CPPED1: variants seen among roughly 807,000 people sequenced by gnomAD.
The protein encoded by CPPED1 is serine/threonine-protein phosphatase CPPED1.
CPPED1 carries 28 observed loss-of-function variants against 28.0 expected under a neutral mutation model. The ratio of observed to expected loss-of-function variants is 1.00; its 90% CI spans 0.74 to 1.37. The LOEUF is 1.37. Ranked by LOEUF, CPPED1 falls within the 40% of genes most tolerant of loss-of-function variation. The probability of loss-of-function intolerance (pLI) is 0.00; values close to 1 mark genes in which losing one functional copy is unlikely to be tolerated. For synonymous variants in CPPED1, 198 were observed against 180.2 expected, an observed-to-expected ratio of 1.10 and a Z score of -0.79; for missense variants, 504 against 416.5, an observed-to-expected ratio of 1.21 and a Z score of -1.83.
chr16:12,748,211 T>C (rs1480909375), intron 2 of CPPED1, among the ~76,000 whole-genome samples: 1 of 152,174 alleles, frequency 6.6e-6, no homozygotes, highest in African/African-American at 2.4e-5. Context: ...AAACAACCTA[T>C]GCCCAAACAC....
intron 3 of CPPED1, among the ~76,000 whole-genome samples, chr16:12,675,596 A>C (rs908991263): frequency 3.3e-5 from 5 of 152,242 alleles, no homozygotes; most frequent in Non-Finnish European, 7.3e-5. Flanking sequence ...GCAACCCAGT[A>C]CAATTCTGAT....
At chr16:12,782,507 C>T (rs2080537936) in intron 1 of CPPED1, among the ~76,000 whole-genome samples, 1 of 149,360 alleles carries the variant, frequency 6.7e-6, no homozygotes, top group African/African-American at 2.5e-5. Flanking sequence ...CCTGCTAGCG[C>T]TTAGTGGTGG....
At chr16:12,743,484 C>T (rs775558348) in intron 2 of CPPED1, among the ~76,000 whole-genome samples, 10 of 152,160 alleles carry the variant, frequency 6.6e-5, no homozygotes, top group Admixed American at 1.3e-4. Context: ...AAGTGGACTA[C>T]GTTAAAACTT....
intron 2 of CPPED1, among the ~76,000 whole-genome samples, chr16:12,776,786 G>T (rs2080500697): frequency 6.6e-6 from 1 of 152,118 alleles, no homozygotes; most frequent in African/African-American, 2.4e-5. Context: ...GGGTGTGGTG[G>T]TGTGTGCCTG....
rs1400609219 is a variant in CPPED1 at position 12,803,754 on chromosome 16, C to T, written c.23G>A (p.Gly8Asp). 7.5e-6 allele frequency: 12 copies of T among 1,594,880 alleles called. No homozygotes were observed. Among genetic ancestry groups the T allele is most frequent in the African/African-American group, 2.7e-5 (2 of 73,696 alleles). Reference sequence around the variant, plus strand: ...CCTGCCCCTGGCTCTGTGGAAAACACCCCCCGCCTCTGCAGCCGACATGGC... The same window carrying T: ...CCTGCCCCTGGCTCTGTGGAAAACATCCCCCGCCTCTGCAGCCGACATGGC... Reference protein sequence around the residue: MSAAEAGGVFHRARGRTL... With the variant: MSAAEAGDVFHRARGRTL... The change falls in exon 1 of 4, where the codon GGT (glycine) becomes GAT (aspartate). Residue 8 changes from glycine to aspartate, a missense_variant. Physicochemically the swap from Gly to Asp is moderately conservative, Grantham distance 94. Transcript: ENST00000381774.
chr16:12,672,203 G>T (rs1453268349), intron 3 of CPPED1, among the ~76,000 whole-genome samples: 1 of 152,224 alleles, frequency 6.6e-6, no homozygotes, highest in Non-Finnish European at 1.5e-5. Flanking sequence ...TGAACAGAAA[G>T]AACTCATGTT....
rs897745367 is a variant in CPPED1, at chr16:12,700,710, C to A, written c.715+3914G>T. On this transcript the variant is annotated intron_variant, in intron 3 of 3. Transcript: ENST00000381774. The stretch of plus-strand genomic sequence containing the variant: ...CCTGGCCCAAAGACTTTCATTCATT[C>A]ATTCCACAAATACTGATAAAACATT... Among the ~76,000 whole-genome samples the A allele has an allele frequency of 2.6e-5, 4 of 152,176 alleles. No homozygotes were observed. In the South Asian group the frequency reaches 8.3e-4, roughly 32 times the overall value.
intron 2 of CPPED1, among the ~76,000 whole-genome samples, chr16:12,773,194 G>A (rs1305073790): frequency 6.6e-6 from 1 of 152,158 alleles, no homozygotes. Context: ...ATGTGTGGCC[G>A]TTTTCCTGAA....
In CPPED1 at chr16:12,664,327, A is replaced by G; in HGVS notation, c.*559T>C. The G allele has an allele frequency of 1.0e-6, 1 of 974,242 alleles. No homozygotes were observed. The allele number at this position is 974,242 out of a possible 1,614,324, so 60.3% of individuals were successfully genotyped here. A position where few individuals can be genotyped will look rare whatever the true frequency, so the allele number is the denominator to read the frequency against. ...CTATCATCAGAAGTCTCAGAATTGAACAGTAAATGGTGCCTACTTGGCTCC... is the reference window on the plus strand; with the variant it reads ...CTATCATCAGAAGTCTCAGAATTGAGCAGTAAATGGTGCCTACTTGGCTCC... On this transcript the variant is annotated 3_prime_UTR_variant, in exon 4 of 4. Coordinates refer to ENST00000381774, the MANE Select transcript of CPPED1 (RefSeq NM_018340.3). This position sits in a 1 kb window ranked among gnomAD's most constrained non-coding sequence, Gnocchi z 4.2.
chr16:12,755,498 T>C (rs1334946695), intron 2 of CPPED1, among the ~76,000 whole-genome samples: 2 of 151,676 alleles, frequency 1.3e-5, no homozygotes, highest in Non-Finnish European at 2.9e-5. Flanking sequence ...CTGAGGCTGG[T>C]GTATGAACTC....
At chr16:12,708,175 G>GAA (rs60085959) in intron 2 of CPPED1, among the ~76,000 whole-genome samples, 7 of 148,824 alleles carry the variant, frequency 4.7e-5, no homozygotes, top group African/African-American at 1.7e-4. Context: ...TTTATTGTTG[G>GAA]AAAAAAAAAA....
intron 1 of CPPED1, among the ~76,000 whole-genome samples, chr16:12,789,782 C>T (rs1392866757): frequency 6.6e-6 from 1 of 152,118 alleles, no homozygotes; most frequent in East Asian, 1.9e-4. Context: ...TCACCTTGAC[C>T]TCCCAAGGTG....
At chr16:12,733,866 T>C (rs1211424457) in intron 2 of CPPED1, among the ~76,000 whole-genome samples, 1 of 152,050 alleles carries the variant, frequency 6.6e-6, no homozygotes, top group Non-Finnish European at 1.5e-5. Context: ...CTTGACTTCT[T>C]AATCTGCATG....
intron 2 of CPPED1, among the ~76,000 whole-genome samples, chr16:12,777,154 A>C (rs1249621922): frequency 2.6e-5 from 4 of 152,234 alleles, no homozygotes; most frequent in Admixed American, 2.0e-4. Flanking sequence ...ATAGTTGCCC[A>C]AGTGCAGCTG....
At chr16:12,665,269 T>A (rs1474918688) in intron 3 of CPPED1, among the ~76,000 whole-genome samples, 154 bp from the exon 4 acceptor site, 1 of 152,066 alleles carries the variant, frequency 6.6e-6, no homozygotes, top group Non-Finnish European at 1.5e-5. Flanking sequence ...TTATTCTGTA[T>A]ATAATCAACA....
intron 2 of CPPED1, among the ~76,000 whole-genome samples, chr16:12,718,734 G>A (rs1004420532): frequency 1.3e-5 from 2 of 151,866 alleles, no homozygotes; most frequent in African/African-American, 4.8e-5. Context: ...AGGCTGAGGT[G>A]GGCAGATCAC....
chr16:12,664,694 A>C lies in CPPED1; in HGVS notation c.*192T>G. 1.4e-6 allele frequency: 2 copies of C among 1,430,138 alleles called. No homozygotes were observed. The highest frequency in any genetic ancestry group is 9.1e-7 in the Non-Finnish European group (1 of 1,103,226). 88.6% of individuals were successfully genotyped at this position (1,430,138 alleles called of 1,614,324 possible). On this transcript the variant is annotated 3_prime_UTR_variant, in exon 4 of 4. Transcript: ENST00000381774. This position sits in a 1 kb window ranked among gnomAD's most constrained non-coding sequence, Gnocchi z 4.2. ...TTTCCAGGATCATTCGCTCCATTTTAAAGGAAATGCAGTTCTATTTTGAAT... is the reference window on the plus strand; with the variant it reads ...TTTCCAGGATCATTCGCTCCATTTTCAAGGAAATGCAGTTCTATTTTGAAT...
intron 3 of CPPED1, among the ~76,000 whole-genome samples, chr16:12,668,690 T>C (rs1348085267): frequency 6.6e-6 from 1 of 152,204 alleles, no homozygotes; most frequent in Admixed American, 6.5e-5. Context: ...CAGACATTTC[T>C]TCAAAGGAGA....
intron 2 of CPPED1, among the ~76,000 whole-genome samples, chr16:12,747,745 G>A (rs143080650): frequency 8.3e-4 from 126 of 152,196 alleles, no homozygotes; most frequent in African/African-American, 3.0e-3. Context: ...GGCGTGACAC[G>A]TGCACTCATT....
Sources: gnomAD v4.1 joint callset for allele counts (sites outside exome capture counted in the v4.1 genomes callset) on GRCh38, gnomAD v4.1.1 for gene constraint, Gnocchi (gnomAD v3.1) non-coding constraint, MANE v1.5 for transcripts, NCBI Gene and HGNC (gene_info 2026-07-23, HGNC 2026-07-21) for gene names.